EPB41L3: variants seen among roughly 807,000 people sequenced by gnomAD.
EPB41L3 encodes erythrocyte membrane protein band 4.1 like 3, also known as band 4.1-like protein 3.
Under a neutral mutation model 127.1 loss-of-function variants are expected in EPB41L3, and 57 were observed. That is an observed-to-expected ratio of 0.45 (90% CI 0.36 to 0.56). EPB41L3 has a LOEUF of 0.56. EPB41L3 is among the 20% of genes least tolerant of loss of function. The pLI, the probability that EPB41L3 is intolerant of heterozygous loss-of-function variation, is 0.00. For synonymous variants in EPB41L3, 572 were observed against 549.5 expected, an observed-to-expected ratio of 1.04 and a Z score of -0.57; for missense variants, 1,273 against 1,372.2, an observed-to-expected ratio of 0.93 and a Z score of 1.14.
At chr18:5,398,791 C>A (rs1169006690) in intron 16 of EPB41L3, 3 of 399,296 alleles carry the variant, frequency 7.5e-6, no homozygotes, top group Non-Finnish European at 8.8e-6. Context: ...CTCTCGGGCA[C>A]TTGCTCTGTT....
chr18:5,470,063 C>T (rs2085834576), intron 3 of EPB41L3, among the ~76,000 whole-genome samples: 1 of 152,278 alleles, frequency 6.6e-6, no homozygotes, highest in Admixed American at 6.5e-5. Context: ...TAGACGTGAG[C>T]CACCGTGTCT....
intron 3 of EPB41L3, among the ~76,000 whole-genome samples, chr18:5,605,648 C>T (rs2143898739): frequency 6.6e-6 from 1 of 152,178 alleles, no homozygotes; most frequent in East Asian, 1.9e-4. Context: ...TGGTCTCAAA[C>T]TCCTGGACTC....
In EPB41L3 at chr18:5,441,120, G is replaced by A. The variant is rs1330827463; in HGVS notation, c.529+2718C>T. ...TTGCCTAGGCTGGGCTTGAACTTCT[G>A]GCTTCAAGTGGTCCTCCTGTCTTGG... On this transcript the variant is annotated intron_variant, in intron 5 of 22. Coordinates refer to ENST00000341928, the MANE Select transcript of EPB41L3 (RefSeq NM_012307.5). Among the ~76,000 whole-genome samples the A allele has an allele frequency of 3.9e-5, 6 of 152,142 alleles. No individual in the cohort carries two copies. The East Asian group carries it at 9.6e-4, about 24-fold the overall frequency.
intron 1 of EPB41L3, among the ~76,000 whole-genome samples, chr18:5,529,688 T>G (rs1300576227): frequency 6.6e-6 from 1 of 152,152 alleles, no homozygotes; most frequent in African/African-American, 2.4e-5. Flanking sequence ...ATAGACCTTT[T>G]CCTCTTCTAC....
At chr18:5,536,264 G>C (rs969608116) in intron 1 of EPB41L3, among the ~76,000 whole-genome samples, 1 of 151,338 alleles carries the variant, frequency 6.6e-6, no homozygotes, top group Non-Finnish European at 1.5e-5. Flanking sequence ...TAAATATCCT[G>C]TTTTACCACA....
intron 3 of EPB41L3, among the ~76,000 whole-genome samples, chr18:5,582,603 C>T (rs1313177971): frequency 1.3e-5 from 2 of 152,022 alleles, no homozygotes; most frequent in African/African-American, 4.8e-5. Context: ...TTACAAGGTC[C>T]ATGATGATTT....
intron 1 of EPB41L3, among the ~76,000 whole-genome samples, chr18:5,616,724 T>G (rs369512533): frequency 7.3e-4 from 111 of 152,268 alleles, no homozygotes; most frequent in African/African-American, 1.9e-3. Flanking sequence ...TTCAGTTTCT[T>G]AGCCTTATAA....
chr18:5,424,358 A>C lies in EPB41L3; in HGVS notation c.1067T>G (p.Phe356Cys), dbSNP rs374596275. The C allele has an allele frequency of 1.3e-6, 2 of 1,589,974 alleles. No homozygotes were observed. The highest frequency in any genetic ancestry group is 1.7e-6 in the Non-Finnish European group (2 of 1,171,662). The change falls in exon 10 of 23, where the codon TTT becomes TGT. Residue 356 changes from phenylalanine to cysteine, a missense_variant and splice_region_variant. Coordinates refer to ENST00000341928, the MANE Select transcript of EPB41L3 (RefSeq NM_012307.5). ...CCCAATGGTGCTTTCAAATTGTTCA[A>C]ACTAAATAAAAAAAAATACATTGAA... ...NFYIKIRPGE[F>C]EQFESTIGFK...
chr18:5,560,744 A>C (rs1204942502), intron 3 of EPB41L3, among the ~76,000 whole-genome samples: 1 of 152,028 alleles, frequency 6.6e-6, no homozygotes, highest in Non-Finnish European at 1.5e-5. Flanking sequence ...GTAACATTCC[A>C]TACTCTACCT....
intron 1 of EPB41L3, among the ~76,000 whole-genome samples, chr18:5,490,435 TGAA>T (rs1461073734): frequency 6.6e-6 from 1 of 152,046 alleles, no homozygotes; most frequent in Non-Finnish European, 1.5e-5. Flanking sequence ...TTTAATAATT[TGAA>T]GAAAAGGGAG....
At chr18:5,617,465 C>G (rs1461886156) in intron 1 of EPB41L3, among the ~76,000 whole-genome samples, 1 of 152,100 alleles carries the variant, frequency 6.6e-6, no homozygotes, top group Non-Finnish European at 1.5e-5. Flanking sequence ...ACCACAGGCG[C>G]CAGCCACCAC....
chr18:5,623,858 T>C (rs1206660856), intron 1 of EPB41L3, among the ~76,000 whole-genome samples: 1 of 152,022 alleles, frequency 6.6e-6, no homozygotes, highest in Admixed American at 6.6e-5. Flanking sequence ...GGTTTCACCA[T>C]GTTGGCCAGG....
intron 1 of EPB41L3, among the ~76,000 whole-genome samples, chr18:5,495,510 T>C (rs951172016): frequency 4.0e-5 from 6 of 151,030 alleles, no homozygotes; most frequent in South Asian, 2.1e-4. Context: ...CCAAGCACCA[T>C]GCCCAGGGTG....
At chr18:5,467,842 C>T (rs781526836) in intron 3 of EPB41L3, among the ~76,000 whole-genome samples, 7 of 152,190 alleles carry the variant, frequency 4.6e-5, no homozygotes, top group Non-Finnish European at 7.3e-5. Flanking sequence ...GCAGGGGAGG[C>T]GCGGCCAAGA....
chr18:5,415,283 A>G (rs886913285), intron 13 of EPB41L3, among the ~76,000 whole-genome samples: 2 of 152,174 alleles, frequency 1.3e-5, no homozygotes, highest in South Asian at 2.1e-4. Flanking sequence ...GTGAGTAACA[A>G]TGACTGTCTG....
At chr18:5,604,263 T>C (rs962176393) in intron 3 of EPB41L3, among the ~76,000 whole-genome samples, 6 of 152,084 alleles carry the variant, frequency 3.9e-5, no homozygotes, top group African/African-American at 1.4e-4. Flanking sequence ...TCTTTTTTTT[T>C]TAATGATCCC....
chr18:5,575,602 C>T (rs1201087623), intron 3 of EPB41L3, among the ~76,000 whole-genome samples: 2 of 151,976 alleles, frequency 1.3e-5, no homozygotes, highest in East Asian at 1.9e-4. Context: ...TTTGGGAGGC[C>T]GAGGTGGGTG....
chr18:5,625,946 T>TC (rs1343516659), intron 1 of EPB41L3, among the ~76,000 whole-genome samples: 4 of 133,998 alleles, frequency 3.0e-5, no homozygotes, highest in African/African-American at 1.4e-4. Context: ...CTACCATGCT[T>TC]TTTTTTTTTT....
intron 13 of EPB41L3, among the ~76,000 whole-genome samples, chr18:5,411,135 C>A (rs1199354848): frequency 2.0e-5 from 3 of 152,146 alleles, no homozygotes; most frequent in Non-Finnish European, 2.9e-5. Context: ...CCATCTAGGG[C>A]CATCAGGCTG....
Sources: allele counts gnomAD v4.1 joint callset (sites outside exome capture counted in the v4.1 genomes callset), GRCh38; gene constraint gnomAD v4.1.1; transcripts MANE v1.5; gene names NCBI Gene and HGNC (gene_info 2026-07-23, HGNC 2026-07-21).